PIERCE2: variants seen among roughly 807,000 people sequenced by gnomAD.
PIERCE2 encodes the protein piercer of microtubule wall 2.
chr15:55,409,810 G>C, the PIERCE2 span, among the ~76,000 whole-genome samples: 1 of 152,138 alleles, frequency 6.6e-6, no homozygotes, highest in Non-Finnish European at 1.5e-5. Context: ...TACTAAGAAA[G>C]CTAATACCAG....
At chr15:55,417,364 G>A in the PIERCE2 span, among the ~76,000 whole-genome samples, 1 of 151,874 alleles carries the variant, frequency 6.6e-6, no homozygotes, top group Non-Finnish European at 1.5e-5. Flanking sequence ...CAGTGGAATG[G>A]CTTTCCCTAA....
chr15:55,415,178 A>T, the PIERCE2 span, among the ~76,000 whole-genome samples: 1 of 151,842 alleles, frequency 6.6e-6, no homozygotes, highest in East Asian at 2.0e-4. Flanking sequence ...TTAAAGAAGG[A>T]AGGGCTTGGC....
chr15:55,410,284 T>C, the PIERCE2 span, among the ~76,000 whole-genome samples: 2 of 152,220 alleles, frequency 1.3e-5, no homozygotes, highest in African/African-American at 4.8e-5. Flanking sequence ...GCATTATGTT[T>C]TGAGCCAAAG....
the PIERCE2 span, chr15:55,418,646 A>G: frequency 1.0e-6 from 1 of 992,468 alleles, no homozygotes; most frequent in Non-Finnish European, 1.4e-6. Flanking sequence ...TAGAATACCT[A>G]ATAAAGAAGA....
the PIERCE2 span, among the ~76,000 whole-genome samples, chr15:55,415,112 ACTT>A: frequency 2.0e-5 from 3 of 152,166 alleles, no homozygotes; most frequent in Non-Finnish European, 2.9e-5. Flanking sequence ...ATTTTCAAGT[ACTT>A]CTATTAGTAT....
chr15:55,410,898 C>G, the PIERCE2 span: 2 of 152,084 alleles, frequency 1.3e-5, no homozygotes, highest in African/African-American at 4.8e-5. Flanking sequence ...TTTTAAAATT[C>G]TTATGATTTA....
At chr15:55,408,729 A>G in the PIERCE2 span, 4 of 1,505,202 alleles carry the variant, frequency 2.7e-6, no homozygotes, top group South Asian at 1.2e-5. Context: ...TGCTGCATGA[A>G]AACTGACTTT....
chr15:55,413,585 C>T, the PIERCE2 span, among the ~76,000 whole-genome samples: 1 of 151,686 alleles, frequency 6.6e-6, no homozygotes, highest in African/African-American at 2.4e-5. Flanking sequence ...ATGGAGAAAC[C>T]CTGTCTCTAC....
At chr15:55,417,012 A>G in the PIERCE2 span, among the ~76,000 whole-genome samples, 1 of 146,392 alleles carries the variant, frequency 6.8e-6, no homozygotes, top group Non-Finnish European at 1.5e-5. Flanking sequence ...CTCCATCTCC[A>G]TGCTACCACC....
chr15:55,410,778 C>T, the PIERCE2 span: 2 of 152,330 alleles, frequency 1.3e-5, no homozygotes, highest in South Asian at 4.1e-4. Context: ...TACAGTGGTA[C>T]TTTTCTGCGC....
chr15:55,409,215 G>C, the PIERCE2 span, among the ~76,000 whole-genome samples: 1 of 152,120 alleles, frequency 6.6e-6, no homozygotes, highest in Non-Finnish European at 1.5e-5. Context: ...AGACCAGCCT[G>C]ACCTACATGG....
chr15:55,413,772 A>AC, the PIERCE2 span, among the ~76,000 whole-genome samples: 1 of 151,702 alleles, frequency 6.6e-6, no homozygotes, highest in Non-Finnish European at 1.5e-5. Context: ...AAAAAAAAAA[A>AC]AAAAAAAGAC....
chr15:55,418,660 A>G, the PIERCE2 span: 1 of 911,118 alleles, frequency 1.1e-6, no homozygotes, highest in Non-Finnish European at 1.6e-6. Flanking sequence ...AAGAAGATAA[A>G]AAGTTTTGAA....
the PIERCE2 span, among the ~76,000 whole-genome samples, chr15:55,413,440 A>T: frequency 1.1e-4 from 17 of 151,940 alleles, no homozygotes; most frequent in Admixed American, 3.3e-4. Flanking sequence ...ACACCAAAAC[A>T]GTTAATTAAA....
chr15:55,411,027 A>C, the PIERCE2 span: 1 of 152,224 alleles, frequency 6.6e-6, no homozygotes, highest in Admixed American at 6.5e-5. Flanking sequence ...CCTGAGTTCT[A>C]TTTCCAGCTT....
At chr15:55,416,374 TA>T in the PIERCE2 span, among the ~76,000 whole-genome samples, 35 of 152,148 alleles carry the variant, frequency 2.3e-4, no homozygotes, top group Admixed American at 2.2e-3. Flanking sequence ...TGCTGGGATT[TA>T]CAGGTGTGAG....
chr15:55,413,903 C>CTT, the PIERCE2 span, among the ~76,000 whole-genome samples: 40 of 145,160 alleles, frequency 2.8e-4, no homozygotes, highest in Non-Finnish European at 3.6e-4. Flanking sequence ...TAGAGAAATG[C>CTT]TTTTTTTTTT....
chr15:55,408,763 G>C, the PIERCE2 span: 4 of 1,527,246 alleles, frequency 2.6e-6, no homozygotes, highest in African/African-American at 1.4e-5. Context: ...ACAAAGAAGA[G>C]CGAAAATGAC....
chr15:55,409,417 A>AG, the PIERCE2 span, among the ~76,000 whole-genome samples: 1 of 152,100 alleles, frequency 6.6e-6, no homozygotes. Flanking sequence ...AAAAAAAAAA[A>AG]TCTTACATTT....
Sources: gnomAD v4.1 joint callset for allele counts (sites outside exome capture counted in the v4.1 genomes callset) on GRCh38, gnomAD v4.1.1 for gene constraint, MANE v1.5 for transcripts, NCBI Gene and HGNC (gene_info 2026-07-23, HGNC 2026-07-21) for gene names.